CPA4: variants seen among roughly 807,000 people sequenced by gnomAD.
CPA4 encodes carboxypeptidase A4.
In CPA4, 49 loss-of-function variants were observed where a neutral mutation model predicts 54.7. The observed-to-expected ratio is 0.90, with a 90% CI of 0.71 to 1.14. The LOEUF is 1.14. CPA4 is among the 50% of genes most tolerant of loss of function. The pLI, the probability that CPA4 is intolerant of heterozygous loss-of-function variation, is 0.00. For synonymous variants in CPA4, 215 were observed against 206.8 expected (o/e 1.04, Z -0.34); for missense variants, 487 against 525.1 (o/e 0.93, Z 0.71).
intron 5 of CPA4, among the ~76,000 whole-genome samples, chr7:130,305,223 A>G (rs1485675993): frequency 6.6e-6 from 1 of 152,220 alleles, no homozygotes; most frequent in Non-Finnish European, 1.5e-5. Context: ...TATAGCACTA[A>G]GCAAATTACC....
intron 1 of CPA4, among the ~76,000 whole-genome samples, chr7:130,297,901 C>T (rs1048159777): frequency 1.3e-5 from 2 of 152,224 alleles, no homozygotes; most frequent in Admixed American, 6.5e-5. Flanking sequence ...CCCACCCACA[C>T]ACAGGACTTC....
chr7:130,310,200 T>G lies in CPA4; in HGVS notation c.794-587T>G, dbSNP rs553645917. ...CAGAGCTTCAAAGTTAAGTCAGATA[T>G]TCCCACCACTGGGGTGGTTTCAGTC... On this transcript the variant is annotated intron_variant, in intron 8 of 10. Transcript: ENST00000222482. This position sits in a 1 kb window ranked among gnomAD's most constrained non-coding sequence, Gnocchi z 4.3. Among the ~76,000 whole-genome samples, 10 of 152,308 alleles carry G rather than the reference T, an allele frequency of 6.6e-5. No individual in the cohort carries two copies. Among genetic ancestry groups the G allele is most frequent in the African/African-American group, 2.4e-4 (10 of 41,564 alleles).
rs369325885 is a variant in CPA4, at chr7:130,296,679, C to CTTTTTTTTTTTT, written c.69-2053_69-2042dup. Among the ~76,000 whole-genome samples, 23 of 73,000 alleles carry CTTTTTTTTTTTT rather than the reference C, an allele frequency of 3.2e-4. 1 individual carries two copies. The highest frequency in any genetic ancestry group is 5.1e-4 in the East Asian group (1 of 1,968). The allele number at this position is 73,000 out of a possible 152,430, so 47.9% of individuals were successfully genotyped here. On this transcript the variant is annotated intron_variant, in intron 1 of 10. Transcript: ENST00000222482. ...AAGATCTTTCTAGCAGCTCCCCTCA[C>CTTTTTTTTTTTT]TTTTTTTTTTTTTTTTTTTTTTTTT...
chr7:130,322,267 G>C (rs1295297620), intron 10 of CPA4, among the ~76,000 whole-genome samples: 1 of 152,170 alleles, frequency 6.6e-6, no homozygotes, highest in Non-Finnish European at 1.5e-5. Context: ...GGTGGGAGTA[G>C]GGGTTTCAGA....
chr7:130,312,920 G>A (rs941390777), intron 10 of CPA4, among the ~76,000 whole-genome samples: 3 of 152,168 alleles, frequency 2.0e-5, no homozygotes, highest in Non-Finnish European at 4.4e-5. Context: ...TCTGGTTGGA[G>A]GGGAGGTTTA....
rs774838822 is a variant in CPA4, at chr7:130,310,947, T to C, written c.954T>C (p.Tyr318=). The change falls in exon 9 of 11, where the codon TAT becomes TAC. Residue 318 remains tyrosine (Y), a synonymous_variant. Transcript: ENST00000222482. This position sits in a 1 kb window ranked among gnomAD's most constrained non-coding sequence, Gnocchi z 4.3. ...HSYSQLLMYP[Y]GYSVKKAPDA... is the part of the protein sequence containing the mutation. Reference sequence around the variant, plus strand: ...ACTCGCAGCTGCTGATGTATCCATATGGGTACTCAGTCAAAAAGGCCCCAG... The same window carrying C: ...ACTCGCAGCTGCTGATGTATCCATACGGGTACTCAGTCAAAAAGGCCCCAG... The C allele has an allele frequency of 2.1e-5, 34 of 1,614,066 alleles. No individual in the cohort carries two copies. The highest frequency in any genetic ancestry group is 2.7e-5 in the Non-Finnish European group (32 of 1,180,050).
At chr7:130,294,331 T>TC (rs1473999748) in intron 1 of CPA4, among the ~76,000 whole-genome samples, 2 of 152,156 alleles carry the variant, frequency 1.3e-5, no homozygotes, top group Non-Finnish European at 2.9e-5. Context: ...TAATGAGACT[T>TC]TGGGGTTGTT....
At chr7:130,294,628 G>A (rs1440923753) in intron 1 of CPA4, among the ~76,000 whole-genome samples, 3 of 152,218 alleles carry the variant, frequency 2.0e-5, no homozygotes, top group African/African-American at 7.2e-5. Flanking sequence ...CCTGGGCTGC[G>A]ACAGCTGGGC....
At chr7:130,316,459 G>A (rs1793988196) in intron 10 of CPA4, among the ~76,000 whole-genome samples, 1 of 152,198 alleles carries the variant, frequency 6.6e-6, no homozygotes, top group African/African-American at 2.4e-5. Flanking sequence ...TTTTAGGTGG[G>A]AGAGAGTGGG....
chr7:130,319,018 C>T (rs1022876238), intron 10 of CPA4, among the ~76,000 whole-genome samples: 7 of 152,130 alleles, frequency 4.6e-5, no homozygotes, highest in South Asian at 2.1e-4. Flanking sequence ...AACCTCAGTT[C>T]GTATATGCTA....
chr7:130,305,486 G>A (rs1041718729), intron 5 of CPA4, among the ~76,000 whole-genome samples: 7 of 152,064 alleles, frequency 4.6e-5, no homozygotes, highest in East Asian at 1.9e-4. Flanking sequence ...TATGTCTCTC[G>A]CTGTTGGGAT....
At chr7:130,301,802 C>A (rs1379579175) in intron 4 of CPA4, among the ~76,000 whole-genome samples, 2 of 152,172 alleles carry the variant, frequency 1.3e-5, no homozygotes, top group African/African-American at 4.8e-5. Context: ...AACGGCACTG[C>A]CCCTTGATCC....
Position 130,300,921 on chromosome 7 carries a change from G to A in CPA4, c.384+7G>A, listed in dbSNP as rs1438530416. 3 of 1,582,976 alleles carry A rather than the reference G, an allele frequency of 1.9e-6. No individual in the cohort carries two copies. The highest frequency in any genetic ancestry group is 2.2e-5 in the East Asian group (1 of 44,736). ...TTACCATTCCCTGGAAGCTGTAAGTGTTTCAGAGTGGGTTAAGATCAAGGT... is the reference window on the plus strand; with the variant it reads ...TTACCATTCCCTGGAAGCTGTAAGTATTTCAGAGTGGGTTAAGATCAAGGT... On this transcript the variant is annotated splice_region_variant and intron_variant, in intron 4 of 10. Coordinates refer to ENST00000222482, the MANE Select transcript of CPA4 (RefSeq NM_016352.4).
At chr7:130,294,321 T>A (rs1238531637) in intron 1 of CPA4, among the ~76,000 whole-genome samples, 1 of 152,242 alleles carries the variant, frequency 6.6e-6, no homozygotes, top group East Asian at 1.9e-4. Context: ...ACTATCTGGC[T>A]AATGAGACTT....
intron 8 of CPA4, among the ~76,000 whole-genome samples, chr7:130,308,964 C>T (rs1350071966): frequency 6.6e-6 from 1 of 151,898 alleles, no homozygotes; most frequent in Non-Finnish European, 1.5e-5. Context: ...AGTGATTCTC[C>T]TGCCTCAGCC....
chr7:130,300,991 G>A (rs979011097), intron 4 of CPA4, 77 bp downstream of exon 4: 1 of 893,030 alleles, frequency 1.1e-6, no homozygotes, highest in African/African-American at 1.7e-5. Context: ...ACTTCCAGGA[G>A]ACATTAGTCT....
Position 130,312,109 on chromosome 7 carries a change from C to G in CPA4, c.1065C>G (p.Thr355=). Reference sequence around the variant, plus strand: ...GCACTGAGTACCAAGTGGGTCCCACCTGCACCACTGTCTGTAAGTACTCGC... The same window carrying G: ...GCACTGAGTACCAAGTGGGTCCCACGTGCACCACTGTCTGTAAGTACTCGC... The part of the protein sequence containing the change: ...VSGTEYQVGP[T]CTTVYPASGS... The change falls in exon 10 of 11, where the codon ACC becomes ACG. Residue 355 remains threonine, a synonymous_variant. Coordinates refer to ENST00000222482, the MANE Select transcript of CPA4 (RefSeq NM_016352.4). 6.2e-7 allele frequency: 1 copy of G among 1,612,676 alleles called. No individual in the cohort carries two copies. The highest frequency in any genetic ancestry group is 8.5e-7 in the Non-Finnish European group (1 of 1,178,662).
chr7:130,321,933 C>G (rs1794111576), intron 10 of CPA4, among the ~76,000 whole-genome samples: 1 of 152,208 alleles, frequency 6.6e-6, no homozygotes, highest in South Asian at 2.1e-4. Flanking sequence ...CAGTTCCTCA[C>G]TATCATGAAT....
chr7:130,305,298 G>T (rs901576372), intron 5 of CPA4, among the ~76,000 whole-genome samples: 4 of 152,180 alleles, frequency 2.6e-5, no homozygotes, highest in Admixed American at 2.0e-4. Flanking sequence ...CAATCTGTTG[G>T]AGACCCTGGC....
Sources: gnomAD v4.1 joint callset for allele counts (sites outside exome capture counted in the v4.1 genomes callset) on GRCh38, gnomAD v4.1.1 for gene constraint, Gnocchi (gnomAD v3.1) non-coding constraint, MANE v1.5 for transcripts, NCBI Gene and HGNC (gene_info 2026-07-23, HGNC 2026-07-21) for gene names.